CALN1: variants seen among roughly 807,000 people sequenced by gnomAD.
CALN1 encodes the protein calneuron 1, also known as calcium-binding protein 8.
Under a neutral mutation model 30.6 loss-of-function variants are expected in CALN1, and 17 were observed. The ratio of observed to expected loss-of-function variants is 0.56; its 90% CI spans 0.38 to 0.83. CALN1 has a LOEUF of 0.83. Among genes scored for constraint, CALN1 ranks in the 40% least tolerant of loss-of-function variants. The pLI, the probability that CALN1 is intolerant of heterozygous loss-of-function variation, is 0.00. For missense variants in CALN1, 291 were observed against 354.9 expected (o/e 0.82, Z 1.45); for synonymous variants, 156 against 131.4 (o/e 1.19, Z -1.28).
chr7:71,821,994 C>T (rs756634754), intron 5 of CALN1, among the ~76,000 whole-genome samples: 7 of 151,812 alleles, frequency 4.6e-5, no homozygotes, highest in Non-Finnish European at 7.4e-5. Context: ...GTCTTGAACT[C>T]CTGAGCTCAA....
intron 6 of CALN1, among the ~76,000 whole-genome samples, chr7:71,791,983 T>C (rs574911115): frequency 4.0e-4 from 60 of 151,534 alleles, no homozygotes; most frequent in African/African-American, 1.4e-3. Context: ...TGCACTCCAG[T>C]CTGGGAGGCA....
At chr7:72,010,219 G>C (rs1466276158) in intron 5 of CALN1, among the ~76,000 whole-genome samples, 1 of 152,120 alleles carries the variant, frequency 6.6e-6, no homozygotes, top group East Asian at 1.9e-4. Context: ...ATTAGATCCT[G>C]AAAGTGGAGA....
chr7:72,285,330 G>A (rs375540082), intron 2 of CALN1, among the ~76,000 whole-genome samples: 4 of 152,194 alleles, frequency 2.6e-5, no homozygotes, highest in East Asian at 3.9e-4. Context: ...TGCAAGCTCC[G>A]CCTCCCGGGT....
chr7:72,372,260 T>G (rs1385764339), intron 2 of CALN1, among the ~76,000 whole-genome samples: 1 of 152,150 alleles, frequency 6.6e-6, no homozygotes, highest in Non-Finnish European at 1.5e-5. Context: ...CCTCAAACTC[T>G]GAGGAAGGAG....
chr7:72,356,358 G>A (rs1291052368), intron 2 of CALN1, among the ~76,000 whole-genome samples: 12 of 151,908 alleles, frequency 7.9e-5, no homozygotes, highest in Admixed American at 7.9e-4. Context: ...CCACGAAGAA[G>A]TAAAATACAT....
At chr7:72,501,926 A>ATATATATATATATATAT in the CALN1 span, among the ~76,000 whole-genome samples, 4 of 79,462 alleles carry the variant, frequency 5.0e-5, no homozygotes, top group African/African-American at 2.9e-4. Flanking sequence ...AAAAAAAAAA[A>ATATATATATATATATAT]AAATATATAT....
chr7:72,260,426 G>A (rs931609596), intron 3 of CALN1, among the ~76,000 whole-genome samples: 3 of 152,168 alleles, frequency 2.0e-5, no homozygotes, highest in Admixed American at 6.5e-5. Context: ...CTCCACGGGT[G>A]CACAGACCCC....
chr7:72,405,965 A>G (rs1388291045), intron 1 of CALN1, among the ~76,000 whole-genome samples: 1 of 152,162 alleles, frequency 6.6e-6, no homozygotes, highest in African/African-American at 2.4e-5. Flanking sequence ...TTCTGAGCCC[A>G]ATACACTTAA....
At chr7:72,268,468 G>A (rs919795263) in intron 3 of CALN1, among the ~76,000 whole-genome samples, 2 of 152,130 alleles carry the variant, frequency 1.3e-5, no homozygotes, top group African/African-American at 2.4e-5. Context: ...GTGCTATAAT[G>A]GTTGACAATT....
intron 2 of CALN1, among the ~76,000 whole-genome samples, chr7:72,294,514 T>C (rs923380083): frequency 1.5e-4 from 22 of 151,682 alleles, no homozygotes; most frequent in African/African-American, 4.4e-4. Context: ...CTTTGGGAGG[T>C]TGAGACAGGA....
At chr7:72,015,119 T>C (rs866447238) in intron 5 of CALN1, among the ~76,000 whole-genome samples, 1 of 152,266 alleles carries the variant, frequency 6.6e-6, no homozygotes, top group East Asian at 1.9e-4. Context: ...TTTAAAATTA[T>C]AGTGTTAAAT....
intron 2 of CALN1, among the ~76,000 whole-genome samples, chr7:72,292,756 G>A (rs1377970032): frequency 1.4e-5 from 2 of 147,776 alleles, no homozygotes; most frequent in African/African-American, 5.1e-5. Flanking sequence ...GGGAGGTGAA[G>A]GTTACAGTGA....
At chr7:71,882,329 G>A (rs1481534438) in intron 5 of CALN1, among the ~76,000 whole-genome samples, 1 of 152,108 alleles carries the variant, frequency 6.6e-6, no homozygotes, top group Non-Finnish European at 1.5e-5. Flanking sequence ...AGACCCTTGT[G>A]ATTACACTGG....
intron 5 of CALN1, among the ~76,000 whole-genome samples, chr7:71,857,729 G>T (rs1221319552): frequency 6.6e-6 from 1 of 152,132 alleles, no homozygotes; most frequent in Admixed American, 6.6e-5. Context: ...AAATTAAATT[G>T]TTCAATTTAT....
intron 5 of CALN1, among the ~76,000 whole-genome samples, chr7:71,963,139 G>A (rs1797333077): frequency 6.6e-6 from 1 of 152,034 alleles, no homozygotes. Context: ...TAAACAGTAA[G>A]CTCTAAGAAA....
At chr7:72,209,921 C>G (rs1215114416) in intron 3 of CALN1, among the ~76,000 whole-genome samples, 1 of 152,158 alleles carries the variant, frequency 6.6e-6, no homozygotes, top group Non-Finnish European at 1.5e-5. Flanking sequence ...CCTTGGTACA[C>G]TTTTCTGTAC....
chr7:72,273,270 A>C (rs1797115032), intron 3 of CALN1, among the ~76,000 whole-genome samples: 1 of 151,876 alleles, frequency 6.6e-6, no homozygotes, highest in Non-Finnish European at 1.5e-5. Context: ...AAAATTACAA[A>C]AATTCGCCAG....
intron 3 of CALN1, among the ~76,000 whole-genome samples, chr7:72,146,052 A>T (rs1393573933): frequency 1.3e-5 from 2 of 152,220 alleles, no homozygotes; most frequent in Non-Finnish European, 2.9e-5. Context: ...TTCCCTTTGA[A>T]AACTGGCACA....
At chr7:72,035,539 C>T (rs73369807) in intron 4 of CALN1, among the ~76,000 whole-genome samples, 1,733 of 152,248 alleles carry the variant, frequency 0.011, 45 homozygotes, top group African/African-American at 0.039. Flanking sequence ...TTCTGCATTG[C>T]TGTATTCTTT....
Sources: allele counts gnomAD v4.1 joint callset (sites outside exome capture counted in the v4.1 genomes callset), GRCh38; gene constraint gnomAD v4.1.1; transcripts MANE v1.5; gene names NCBI Gene and HGNC (gene_info 2026-07-23, HGNC 2026-07-21).